Variants in PKD1L3 observed in about 807,000 individuals in gnomAD.
PKD1L3 encodes polycystin 1 like 3, transient receptor potential channel interacting.
A neutral mutation model predicts 184.1 loss-of-function variants in PKD1L3; 239 were observed. That is an observed-to-expected ratio of 1.30 (90% CI 1.17 to 1.45). PKD1L3 has a LOEUF of 1.45. Ranked by LOEUF, PKD1L3 falls within the 40% of genes most tolerant of loss-of-function variation. The pLI, the probability that PKD1L3 is intolerant of heterozygous loss-of-function variation, is 0.00. For synonymous variants in PKD1L3, 996 were observed against 778.8 expected, an observed-to-expected ratio of 1.28 and a Z score of -4.64; for missense variants, 2,660 against 2,067.2, an observed-to-expected ratio of 1.29 and a Z score of -5.56.
At position 71,967,708 on chromosome 16, in the gene PKD1L3, C is replaced by T. The variant is rs375632998; in HGVS notation, c.2286+198G>A. 6.2e-4 allele frequency among the ~76,000 whole-genome samples: 95 copies of T among 152,156 alleles called. No individual in the cohort carries two copies. In the Middle Eastern group the frequency reaches 0.017, roughly 27 times the overall value. ...TCAAACTCCTGACCTTAGGTGACCT[C>T]CCCACCTTGGCCTCCCAAAGTATTG... On this transcript the variant is annotated intron_variant, in intron 14 of 29. Coordinates refer to ENST00000620267, the MANE Select transcript of PKD1L3 (RefSeq NM_181536.2).
chr16:71,974,015 A>T (rs533045971), intron 11 of PKD1L3, among the ~76,000 whole-genome samples: 68 of 15,146 alleles, frequency 4.5e-3, no homozygotes, highest in Non-Finnish European at 7.7e-3. Flanking sequence ...AAAAAAAAAA[A>T]ATATATATAT....
intron 5 of PKD1L3, 123 bp downstream of exon 5, chr16:71,986,098 G>T: frequency 1.6e-6 from 2 of 1,282,672 alleles, no homozygotes; most frequent in East Asian, 2.5e-5. Context: ...TTTTGTTTTG[G>T]ATTGGCATAT....
intron 25 of PKD1L3, 50 bp downstream of exon 25, chr16:71,937,242 A>G (rs1412435572): frequency 2.0e-6 from 3 of 1,523,954 alleles, no homozygotes; most frequent in African/African-American, 1.4e-5. Context: ...TCTGGTAAAG[A>G]TGAGGTTTTG....
At position 71,942,868 on chromosome 16, in the gene PKD1L3, A is replaced by G. The variant is rs2038410203; in HGVS notation, c.4016T>C (p.Leu1339Pro). 2 of 1,551,572 alleles carry G rather than the reference A, an allele frequency of 1.3e-6. No individual in the cohort carries two copies. Among genetic ancestry groups the G allele is most frequent in the African/African-American group, 2.7e-5 (2 of 73,036 alleles). ...GTAATCCCCATACAGGCTAGGAAGA[A>G]GGATATGATTGGCCCAGGGGTAGAA... is the stretch of plus-strand genomic sequence containing the variant. ...QDFYPWANHI[L>P]LPSLYGDYRG... The change falls in exon 24 of 30, where the codon CTT becomes CCT. Residue 1339 changes from leucine (L) to proline (P), a missense_variant. Physicochemically the swap from Leu to Pro is moderately conservative, Grantham distance 98 (BLOSUM62 -3). Transcript: ENST00000620267.
intron 21 of PKD1L3, among the ~76,000 whole-genome samples, chr16:71,947,979 C>A (rs965377998): frequency 1.3e-5 from 2 of 151,434 alleles, no homozygotes; most frequent in African/African-American, 4.9e-5. Context: ...TGCAGTGGCG[C>A]AATCTCGGCT....
At position 71,967,963 on chromosome 16, in the gene PKD1L3, A is replaced by T. The variant is rs2143591322; in HGVS notation, c.2229T>A (p.Phe743Leu). ...CGGTGTAGACCTGAATAAGGTAGTG[A>T]AATTGAGCGCTGGGGTCATTATCAG... is the stretch of plus-strand genomic sequence containing the variant. ...VLADNDPSAQ[F>L]HYLIQVYTGY... Residue 743 changes from phenylalanine to leucine, a missense_variant, in exon 14 of 30, where the codon TTT (phenylalanine) becomes TTA (leucine). Coordinates refer to ENST00000620267, the MANE Select transcript of PKD1L3 (RefSeq NM_181536.2). 1 of 1,551,644 alleles carries T rather than the reference A, an allele frequency of 6.4e-7. No homozygotes were observed. The highest frequency in any genetic ancestry group is 1.2e-5 in the South Asian group (1 of 84,056).
chr16:71,993,243 C>T lies in PKD1L3; in HGVS notation c.508G>A (p.Ala170Thr), dbSNP rs1208405157. 2 of 1,549,878 alleles carry T rather than the reference C, an allele frequency of 1.3e-6. No individual in the cohort carries two copies. Among genetic ancestry groups the T allele is most frequent in the Non-Finnish European group, 1.7e-6 (2 of 1,146,148 alleles). ...QRHKKTKRGV[A>T]IARDKMPPGP... ...GGGGGCATTTTGTCTCTTGCTATTG[C>T]AACTCCTCTTTTTGTCTTCTTGTGT... is the stretch of plus-strand genomic sequence containing the variant. Residue 170 changes from alanine (A) to threonine (T), a missense_variant, in exon 3 of 30, where the codon GCA (alanine) becomes ACA (threonine). Transcript: ENST00000620267.
intron 6 of PKD1L3, among the ~76,000 whole-genome samples, chr16:71,982,821 T>C (rs7205640): frequency 0.011 from 1,638 of 152,166 alleles, 25 homozygotes; most frequent in African/African-American, 0.036. Flanking sequence ...CTCAAACACC[T>C]GGCCCCAAGA....
At position 71,933,475 on chromosome 16, in the gene PKD1L3, A is replaced by G; in HGVS notation, c.4871T>C (p.Phe1624Ser). The change falls in exon 28 of 30, where the codon TTC becomes TCC. Residue 1624 changes from phenylalanine (F) to serine (S), a missense_variant. Physicochemically the swap from Phe to Ser is radical, Grantham distance 155. Transcript: ENST00000620267. ...ACCAACAACAGTCACTGCTGAGCTG[A>G]AAAATGTCCGGTAGTCAGAGATGCT... ...GCSISDYRTFFSSAVTVVGLL... is the reference protein window; with the variant it reads ...GCSISDYRTFSSSAVTVVGLL... 1 of 1,551,568 alleles carries G rather than the reference A, an allele frequency of 6.4e-7. No homozygotes were observed. The highest frequency in any genetic ancestry group is 1.2e-5 in the South Asian group (1 of 84,064).
chr16:71,959,955 C>A (rs943094947), intron 16 of PKD1L3, among the ~76,000 whole-genome samples: 5 of 151,748 alleles, frequency 3.3e-5, no homozygotes, highest in African/African-American at 1.2e-4. Flanking sequence ...CCTGTTTCTA[C>A]AAAAATAGTT....
intron 28 of PKD1L3, chr16:71,931,109 TTTTAC>T (rs2037944381): frequency 6.6e-6 from 1 of 152,220 alleles, no homozygotes; most frequent in South Asian, 2.1e-4. Flanking sequence ...TTTTAATGTT[TTTTAC>T]TTTATGTTTA....
intron 1 of PKD1L3, among the ~76,000 whole-genome samples, chr16:71,999,449 G>T (rs1342290491): frequency 6.6e-6 from 1 of 152,124 alleles, no homozygotes; most frequent in East Asian, 1.9e-4. Flanking sequence ...TTAGTGAAAG[G>T]TCAGGTAAGT....
chr16:71,966,636 A>T (rs2039512568), intron 15 of PKD1L3, among the ~76,000 whole-genome samples: 1 of 151,812 alleles, frequency 6.6e-6, no homozygotes, highest in Non-Finnish European at 1.5e-5. Context: ...CTTCCTATGT[A>T]GCTCAGGCTG....
chr16:71,967,382 G>T (rs191545635), intron 14 of PKD1L3, 67 bp from the exon 15 acceptor site: 6 of 1,416,408 alleles, frequency 4.2e-6, no homozygotes, highest in African/African-American at 1.4e-5. Flanking sequence ...TTATCCCTAA[G>T]GAGAAAGACG....
At chr16:71,997,413 C>T (rs986735824) in intron 2 of PKD1L3, among the ~76,000 whole-genome samples, 3 of 63,320 alleles carry the variant, frequency 4.7e-5, no homozygotes, top group African/African-American at 9.0e-5. Flanking sequence ...ATAACAAGAC[C>T]CCCCCCCCCA....
chr16:71,947,450 C>CT, intron 22 of PKD1L3, 42 bp downstream of exon 22: 1 of 1,396,486 alleles, frequency 7.2e-7, no homozygotes, highest in African/African-American at 1.4e-5. Context: ...ATCTAATTTG[C>CT]TTTTTGCAAA....
chr16:71,996,346 C>A (rs2040783495), intron 2 of PKD1L3, among the ~76,000 whole-genome samples: 1 of 150,782 alleles, frequency 6.6e-6, no homozygotes, highest in Admixed American at 6.6e-5. Context: ...ACTGCAACCT[C>A]CGCCTCCCGG....
At chr16:71,943,537 C>CAAAAAAAAAAAAA (rs10693124) in intron 23 of PKD1L3, among the ~76,000 whole-genome samples, 7 of 84,516 alleles carry the variant, frequency 8.3e-5, no homozygotes, top group African/African-American at 4.9e-5. Context: ...GACTCCGTCT[C>CAAAAAAAAAAAAA]AAAAAAAAAA....
Position 71,937,335 on chromosome 16 carries a change from T to G in PKD1L3, c.4409A>C (p.Gln1470Pro), listed in dbSNP as rs1186343371. 2 of 1,551,524 alleles carry G rather than the reference T, an allele frequency of 1.3e-6. No individual in the cohort carries two copies. Among genetic ancestry groups the G allele is most frequent in the Non-Finnish European group, 1.7e-6 (2 of 1,146,978 alleles). Residue 1470 changes from glutamine to proline, a missense_variant, in exon 25 of 30, where the codon CAA becomes CCA. Physicochemically the swap from Gln to Pro is moderately conservative, Grantham distance 76 (BLOSUM62 -1). Transcript: ENST00000620267. ...ACAGACCAGTAGATAATAGATGACT[T>G]GTGAGATGATAGACCAGACACAGCC... ...KKGCVWSIIS[Q>P]VIYYLLVCYY...
Sources: gnomAD v4.1 joint callset for allele counts (sites outside exome capture counted in the v4.1 genomes callset) on GRCh38, gnomAD v4.1.1 for gene constraint, MANE v1.5 for transcripts, NCBI Gene and HGNC (gene_info 2026-07-23, HGNC 2026-07-21) for gene names.